RGS6: variants seen among roughly 807,000 people sequenced by gnomAD.
RGS6 encodes regulator of G protein signaling 6, also known as regulator of G-protein signaling 6.
In RGS6, 30 loss-of-function variants were observed where a neutral mutation model predicts 78.5. The ratio of observed to expected loss-of-function variants is 0.38; its 90% CI spans 0.29 to 0.52. The LOEUF (loss-of-function observed/expected upper bound fraction) is 0.52, where lower values mean the gene tolerates loss of function less well. Ranked by LOEUF, RGS6 falls within the 20% of genes least tolerant of loss-of-function variation. The probability of loss-of-function intolerance (pLI) is 0.85; values close to 1 mark genes in which losing one functional copy is unlikely to be tolerated. For synonymous variants in RGS6, 206 were observed against 206.0 expected (o/e 1.00, Z 0.00); for missense variants, 495 against 609.7 (o/e 0.81, Z 1.98).
the RGS6 span, among the ~76,000 whole-genome samples, chr14:72,603,628 G>A: frequency 2.0e-5 from 3 of 152,242 alleles, no homozygotes; most frequent in Non-Finnish European, 4.4e-5. Flanking sequence ...CAAAGAGCTA[G>A]TCTGATCAGG....
chr14:72,304,740 G>A (rs569805807), intron 2 of RGS6, among the ~76,000 whole-genome samples: 6 of 152,120 alleles, frequency 3.9e-5, no homozygotes, highest in South Asian at 2.1e-4. Flanking sequence ...TTAGCTGGGC[G>A]TGGTGGCATG....
intron 2 of RGS6, among the ~76,000 whole-genome samples, chr14:72,020,088 A>T (rs547482820): frequency 3.9e-5 from 6 of 152,332 alleles, no homozygotes; most frequent in African/African-American, 7.2e-5. Context: ...CTTTGACAAG[A>T]ATTTTCTCAG....
chr14:72,522,729 C>T (rs1456979107), intron 15 of RGS6, among the ~76,000 whole-genome samples: 1 of 152,114 alleles, frequency 6.6e-6, no homozygotes, highest in Non-Finnish European at 1.5e-5. Flanking sequence ...GTTCTTCGCT[C>T]ATGGGATGTA....
At chr14:72,016,262 T>A (rs910366354) in intron 2 of RGS6, among the ~76,000 whole-genome samples, 4 of 152,372 alleles carry the variant, frequency 2.6e-5, no homozygotes, top group Admixed American at 6.5e-5. Context: ...CATATGGATG[T>A]CCAGTTGTCT....
At chr14:72,284,928 T>A (rs113439803) in intron 2 of RGS6, among the ~76,000 whole-genome samples, 3 of 152,182 alleles carry the variant, frequency 2.0e-5, no homozygotes, top group African/African-American at 4.8e-5. Flanking sequence ...ATTTTCAAGC[T>A]TTAAGATTTC....
At chr14:72,149,365 G>T (rs1211225201) in intron 2 of RGS6, among the ~76,000 whole-genome samples, 1 of 152,192 alleles carries the variant, frequency 6.6e-6, no homozygotes, top group Non-Finnish European at 1.5e-5. Context: ...AATGGGGGGA[G>T]TGTTGAAGAA....
At chr14:72,620,491 G>A in the RGS6 span, among the ~76,000 whole-genome samples, 5 of 152,290 alleles carry the variant, frequency 3.3e-5, no homozygotes, top group Non-Finnish European at 5.9e-5. Context: ...TGCAAGTAGC[G>A]CCATCCCTCG....
At chr14:72,210,511 G>GA (rs541471451) in intron 2 of RGS6, among the ~76,000 whole-genome samples, 1,700 of 152,310 alleles carry the variant, frequency 0.011, 23 homozygotes, top group Non-Finnish European at 0.016. Context: ...TTGAAAGAAA[G>GA]AAGAGTGTTT....
intron 2 of RGS6, among the ~76,000 whole-genome samples, chr14:72,062,843 C>A (rs892445654): frequency 6.6e-6 from 1 of 152,122 alleles, no homozygotes; most frequent in Non-Finnish European, 1.5e-5. Flanking sequence ...TTGTTTGTTT[C>A]TGAGACATAG....
chr14:71,923,076 C>A, the RGS6 span, among the ~76,000 whole-genome samples: 1 of 152,128 alleles, frequency 6.6e-6, no homozygotes, highest in Non-Finnish European at 1.5e-5. Flanking sequence ...CCAAAAGCCC[C>A]CAGCATATTT....
At chr14:72,152,387 C>T (rs369360506) in intron 2 of RGS6, among the ~76,000 whole-genome samples, 21 of 152,122 alleles carry the variant, frequency 1.4e-4, no homozygotes, top group African/African-American at 5.1e-4. Flanking sequence ...GGGATGTCAT[C>T]AGTTTGCTCC....
chr14:72,052,935 T>C (rs1054863685), intron 2 of RGS6, among the ~76,000 whole-genome samples: 3 of 29,472 alleles, frequency 1.0e-4, no homozygotes, highest in Admixed American at 4.1e-4. Context: ...TTTTCTTTCT[T>C]TCTTTCTTTC....
chr14:72,076,399 G>C (rs548412482), intron 2 of RGS6, among the ~76,000 whole-genome samples: 11 of 152,190 alleles, frequency 7.2e-5, no homozygotes, highest in Non-Finnish European at 1.2e-4. Context: ...TTAATCAACT[G>C]TTTGGTATTT....
chr14:72,553,605 A>T (rs1281146576), intron 17 of RGS6, among the ~76,000 whole-genome samples: 1 of 152,186 alleles, frequency 6.6e-6, no homozygotes, highest in Non-Finnish European at 1.5e-5. Context: ...TCCAGAAATG[A>T]TGCTGAGATG....
chr14:72,615,784 A>G, the RGS6 span, among the ~76,000 whole-genome samples: 5 of 152,236 alleles, frequency 3.3e-5, no homozygotes, highest in Admixed American at 2.0e-4. Context: ...CAGAATGTCA[A>G]TCTCCTAGCA....
chr14:72,506,349 G>A (rs1324161996), intron 13 of RGS6, among the ~76,000 whole-genome samples: 1 of 152,234 alleles, frequency 6.6e-6, no homozygotes, highest in Non-Finnish European at 1.5e-5. Context: ...TAAAGAGACT[G>A]TGCTTCTGTG....
At chr14:72,349,386 C>G (rs1192125941) in intron 2 of RGS6, among the ~76,000 whole-genome samples, 2 of 152,100 alleles carry the variant, frequency 1.3e-5, no homozygotes, top group Non-Finnish European at 2.9e-5. Flanking sequence ...TAGCAAGTCC[C>G]TGTTCATATC....
At chr14:71,955,620 CTG>C (rs1213514487) in intron 1 of RGS6, among the ~76,000 whole-genome samples, 2 of 152,128 alleles carry the variant, frequency 1.3e-5, no homozygotes, top group Admixed American at 6.6e-5. Flanking sequence ...CATTTATAAA[CTG>C]TCATGGCGCT....
At chr14:71,945,981 C>T (rs2091455600) in intron 1 of RGS6, among the ~76,000 whole-genome samples, 4 of 152,080 alleles carry the variant, frequency 2.6e-5, no homozygotes, top group Admixed American at 2.0e-4. Context: ...GGAAATGCTA[C>T]AGTGTTTAGA....
Sources: allele counts gnomAD v4.1 joint callset (sites outside exome capture counted in the v4.1 genomes callset), GRCh38; gene constraint gnomAD v4.1.1; transcripts MANE v1.5; gene names NCBI Gene and HGNC (gene_info 2026-07-23, HGNC 2026-07-21).